The following PRELID2 variants were observed in gnomAD, a reference collection of about 807,000 sequenced individuals.
The protein encoded by PRELID2 is PRELI domain containing 2.
Under a neutral mutation model 28.4 loss-of-function variants are expected in PRELID2, and 25 were observed. That is an observed-to-expected ratio of 0.88 (90% CI 0.64 to 1.23). PRELID2 has a LOEUF of 1.23. Ranked by LOEUF, PRELID2 falls within the 50% of genes most tolerant of loss-of-function variation. PRELID2 has a pLI of 0.00. For synonymous variants in PRELID2, 76 were observed against 71.6 expected (o/e 1.06, Z -0.31); for missense variants, 201 against 214.4 (o/e 0.94, Z 0.39).
At chr5:145,493,799 A>T (rs2126628593) in intron 1 of PRELID2, among the ~76,000 whole-genome samples, 1 of 152,232 alleles carries the variant, frequency 6.6e-6, no homozygotes, top group Non-Finnish European at 1.5e-5. Flanking sequence ...TTCTCCTAAA[A>T]TCCCAAGCTG....
At chr5:145,446,940 T>C in the PRELID2 span, among the ~76,000 whole-genome samples, 2 of 151,786 alleles carry the variant, frequency 1.3e-5, no homozygotes, top group East Asian at 3.9e-4. Context: ...TCCCAGCTAC[T>C]TGGGAGGCTG....
the PRELID2 span, among the ~76,000 whole-genome samples, chr5:145,362,223 G>A: frequency 2.0e-5 from 3 of 152,240 alleles, no homozygotes; most frequent in South Asian, 2.1e-4. Flanking sequence ...GTGTTTAAAT[G>A]TTGGTATTTG....
At chr5:145,680,898 C>T (rs1015812348) in intron 1 of PRELID2, among the ~76,000 whole-genome samples, 2 of 152,088 alleles carry the variant, frequency 1.3e-5, no homozygotes, top group South Asian at 2.1e-4. Context: ...TGTCATGTTC[C>T]GACACTCAGC....
chr5:145,293,582 G>C, the PRELID2 span, among the ~76,000 whole-genome samples: 2 of 152,134 alleles, frequency 1.3e-5, no homozygotes, highest in Non-Finnish European at 2.9e-5. Flanking sequence ...ATTTTCTAGA[G>C]AGCAGGAGAA....
chr5:145,405,712 T>TG, the PRELID2 span, among the ~76,000 whole-genome samples: 4 of 147,588 alleles, frequency 2.7e-5, no homozygotes, highest in Admixed American at 6.8e-5. Flanking sequence ...GTTTTTTTTT[T>TG]TTTTTTTTTT....
chr5:145,493,913 A>C (rs1000128189), intron 1 of PRELID2, among the ~76,000 whole-genome samples: 1 of 152,160 alleles, frequency 6.6e-6, no homozygotes, highest in African/African-American at 2.4e-5. Context: ...CTTAAACTAT[A>C]TGTCAGATGC....
intron 5 of PRELID2, among the ~76,000 whole-genome samples, chr5:145,783,730 A>T (rs1414292305): frequency 6.6e-6 from 1 of 152,226 alleles, no homozygotes; most frequent in East Asian, 1.9e-4. Context: ...TCACATGAAC[A>T]AGCAGGAAAT....
intron 1 of PRELID2, among the ~76,000 whole-genome samples, chr5:145,585,835 G>C (rs1005162180): frequency 2.0e-5 from 3 of 152,078 alleles, no homozygotes; most frequent in African/African-American, 7.2e-5. Context: ...GGGGGCCAGA[G>C]ATACCGAAAA....
intron 1 of PRELID2, among the ~76,000 whole-genome samples, chr5:145,630,615 C>T (rs77483162): frequency 0.02 from 3,065 of 152,176 alleles, 114 homozygotes; most frequent in African/African-American, 0.07. Flanking sequence ...TAAGAAAAGC[C>T]AGAGTCCAAA....
the PRELID2 span, among the ~76,000 whole-genome samples, chr5:145,372,227 T>G: frequency 1.2e-3 from 181 of 152,250 alleles, 3 homozygotes; most frequent in East Asian, 0.03. Context: ...AGGAGCAGGT[T>G]GTTCAATGTC....
intron 4 of PRELID2, among the ~76,000 whole-genome samples, chr5:145,800,644 C>A (rs988986520): frequency 6.6e-6 from 1 of 152,108 alleles, no homozygotes; most frequent in African/African-American, 2.4e-5. Context: ...CTTTCTGCCA[C>A]TTTTGGGAGA....
At chr5:145,383,466 C>G in the PRELID2 span, among the ~76,000 whole-genome samples, 2 of 150,212 alleles carry the variant, frequency 1.3e-5, no homozygotes, top group East Asian at 3.9e-4. Context: ...AACTAGTAAA[C>G]TAATAATCAA....
rs139507871 is a variant in PRELID2, at chr5:145,617,931, C to T, written n.71-144616G>A. Among the ~76,000 whole-genome samples, 319 of 152,196 alleles carry T rather than the reference C, an allele frequency of 2.1e-3. 2 individuals are homozygous for T. The highest frequency in any genetic ancestry group is 7.4e-3 in the African/African-American group (308 of 41,528). On this transcript the variant is annotated intron_variant and non_coding_transcript_variant, in intron 1 of 2. Coordinates refer to the PRELID2 transcript ENST00000510259. The stretch of plus-strand genomic sequence containing the variant: ...TATTTTTAGTAGAGATGGGGTTTCA[C>T]TATATTGGTCAGGCTAGTCTTGAAC...
the PRELID2 span, among the ~76,000 whole-genome samples, chr5:145,396,638 T>C: frequency 3.3e-5 from 5 of 152,126 alleles, no homozygotes; most frequent in Non-Finnish European, 7.4e-5. Context: ...TAAACCTTAA[T>C]AGATAAAAAG....
chr5:145,472,918 C>T (rs1752066854), intron 2 of PRELID2, among the ~76,000 whole-genome samples: 1 of 152,148 alleles, frequency 6.6e-6, no homozygotes, highest in Non-Finnish European at 1.5e-5. Flanking sequence ...TTCTAGAACA[C>T]AGTTTCTTTG....
At chr5:145,703,631 G>T (rs938325673) in intron 1 of PRELID2, among the ~76,000 whole-genome samples, 1 of 152,150 alleles carries the variant, frequency 6.6e-6, no homozygotes, top group Non-Finnish European at 1.5e-5. Context: ...GATATAAATT[G>T]GCTTAGGTCC....
At chr5:145,715,455 T>C (rs1480764869) in intron 1 of PRELID2, among the ~76,000 whole-genome samples, 1 of 152,146 alleles carries the variant, frequency 6.6e-6, no homozygotes, top group Non-Finnish European at 1.5e-5. Context: ...CTTACTAAAA[T>C]CCATTTTCTG....
chr5:145,726,105 G>A (rs1756138281), intron 1 of PRELID2, among the ~76,000 whole-genome samples: 1 of 151,790 alleles, frequency 6.6e-6, no homozygotes, highest in Non-Finnish European at 1.5e-5. Flanking sequence ...CGAGATGGAG[G>A]TTGCAGTGAA....
chr5:145,322,587 T>G, the PRELID2 span, among the ~76,000 whole-genome samples: 3 of 152,176 alleles, frequency 2.0e-5, no homozygotes, highest in Non-Finnish European at 4.4e-5. Context: ...GAAAAACAAA[T>G]GCAAATTAAA....
Sources: allele counts gnomAD v4.1 joint callset (sites outside exome capture counted in the v4.1 genomes callset), GRCh38; gene constraint gnomAD v4.1.1; transcripts MANE v1.5; gene names NCBI Gene and HGNC (gene_info 2026-07-23, HGNC 2026-07-21).